Variants in LSAMP observed in about 807,000 individuals in gnomAD.
LSAMP encodes limbic system associated membrane protein.
Under a neutral mutation model 38.6 loss-of-function variants are expected in LSAMP, and 7 were observed. That is an observed-to-expected ratio of 0.18 (90% confidence interval 0.10 to 0.34). LSAMP has a LOEUF of 0.34. Among genes scored for constraint, LSAMP ranks in the 10% least tolerant of loss-of-function variants. LSAMP has a pLI of 1.00. For missense variants in LSAMP, 313 were observed against 420.0 expected (o/e 0.75, Z 2.23); for synonymous variants, 154 against 166.8 (o/e 0.92, Z 0.59).
At chr3:116,411,975 C>G (rs995457214) in intron 1 of LSAMP, among the ~76,000 whole-genome samples, 1 of 151,970 alleles carries the variant, frequency 6.6e-6, no homozygotes, top group Admixed American at 6.6e-5. Flanking sequence ...TGCCATGGAA[C>G]AACCACTCAC....
At chr3:115,978,679 A>G (rs1939262065) in intron 3 of LSAMP, among the ~76,000 whole-genome samples, 1 of 152,036 alleles carries the variant, frequency 6.6e-6, no homozygotes, top group Admixed American at 6.6e-5. Context: ...TGAGAGACTA[A>G]GAAAAGAATC....
intron 3 of LSAMP, among the ~76,000 whole-genome samples, chr3:115,882,377 G>T (rs1344818465): frequency 6.6e-6 from 1 of 152,054 alleles, no homozygotes; most frequent in Non-Finnish European, 1.5e-5. Flanking sequence ...TTTCCAATAA[G>T]ATTGTCCCTT....
chr3:116,141,905 C>T (rs1709378833), intron 1 of LSAMP, among the ~76,000 whole-genome samples: 1 of 151,912 alleles, frequency 6.6e-6, no homozygotes, highest in Admixed American at 6.6e-5. Flanking sequence ...TTGTTGAAAG[C>T]AATGCCAAGC....
chr3:115,981,987 A>G (rs1939373406), intron 3 of LSAMP, among the ~76,000 whole-genome samples: 1 of 152,234 alleles, frequency 6.6e-6, no homozygotes, highest in Admixed American at 6.5e-5. Flanking sequence ...TTGGAGGTCC[A>G]AAGTGCACCC....
At chr3:116,284,840 T>C (rs1027848526) in intron 1 of LSAMP, among the ~76,000 whole-genome samples, 2 of 152,088 alleles carry the variant, frequency 1.3e-5, no homozygotes, top group Non-Finnish European at 2.9e-5. Context: ...AATGATCAAG[T>C]CCACAAGTTC....
Position 116,358,262 on chromosome 3 carries a change from T to G in LSAMP, c.155+86615A>C, listed in dbSNP as rs895353974. Among the ~76,000 whole-genome samples, 3 of 152,184 alleles carry G rather than the reference T, an allele frequency of 2.0e-5. No homozygotes were observed. In the South Asian group the frequency reaches 6.2e-4, roughly 31 times the overall value. ...TAGCAGGCCAAAAACACCAGAGCCC[T>G]CTTAGAAAGGCAACACAAGAATTTA... is the stretch of plus-strand genomic sequence containing the variant. On this transcript the variant is annotated intron_variant, in intron 1 of 6. Coordinates refer to ENST00000490035, the MANE Select transcript of LSAMP (RefSeq NM_002338.5).
chr3:115,843,905 TTTG>T (rs1935077018), intron 4 of LSAMP, among the ~76,000 whole-genome samples: 1 of 152,162 alleles, frequency 6.6e-6, no homozygotes, highest in Non-Finnish European at 1.5e-5. Flanking sequence ...TAAATGGAGT[TTTG>T]TTGTTGTACT....
chr3:116,003,564 C>T (rs989052802), intron 3 of LSAMP, among the ~76,000 whole-genome samples: 5 of 152,110 alleles, frequency 3.3e-5, no homozygotes, highest in African/African-American at 1.2e-4. Context: ...ACCCCCAGTA[C>T]CAGTGAATGT....
chr3:116,145,309 A>G (rs1709466189), intron 1 of LSAMP, among the ~76,000 whole-genome samples: 1 of 151,904 alleles, frequency 6.6e-6, no homozygotes, highest in Non-Finnish European at 1.5e-5. Context: ...ACCAGAACTA[A>G]TAGCTTATAT....
chr3:116,174,452 C>A (rs1415045447), intron 1 of LSAMP, among the ~76,000 whole-genome samples: 2 of 152,076 alleles, frequency 1.3e-5, no homozygotes, highest in African/African-American at 4.8e-5. Context: ...AAATAGCAAT[C>A]ATAATAGCTA....
At chr3:116,310,738 CTT>C (rs2047546803) in intron 1 of LSAMP, among the ~76,000 whole-genome samples, 1 of 152,042 alleles carries the variant, frequency 6.6e-6, no homozygotes, top group Non-Finnish European at 1.5e-5. Flanking sequence ...AATGTCATAA[CTT>C]TACACAAAAT....
chr3:116,233,870 A>T (rs1156840549), intron 1 of LSAMP, among the ~76,000 whole-genome samples: 3 of 152,176 alleles, frequency 2.0e-5, no homozygotes, highest in Non-Finnish European at 4.4e-5. Flanking sequence ...TTTAACAGTC[A>T]CATGGTTTAT....
At chr3:116,141,955 A>G (rs1466223524) in intron 1 of LSAMP, among the ~76,000 whole-genome samples, 2 of 152,028 alleles carry the variant, frequency 1.3e-5, no homozygotes, top group African/African-American at 4.8e-5. Context: ...CATTAGCAGC[A>G]GCTGATGAGT....
intron 1 of LSAMP, among the ~76,000 whole-genome samples, chr3:116,403,327 A>G (rs1407317623): frequency 6.6e-6 from 1 of 152,214 alleles, no homozygotes. Flanking sequence ...AAGCTCAATA[A>G]TAAACAAGGT....
intron 1 of LSAMP, among the ~76,000 whole-genome samples, chr3:116,398,451 G>C (rs986071671): frequency 6.6e-6 from 1 of 152,070 alleles, no homozygotes; most frequent in African/African-American, 2.4e-5. Context: ...ATGAATCAAC[G>C]GATAATTTGA....
intron 2 of LSAMP, among the ~76,000 whole-genome samples, chr3:116,078,418 G>A (rs932011996): frequency 2.0e-5 from 3 of 151,742 alleles, no homozygotes; most frequent in African/African-American, 7.3e-5. Context: ...TCCGCCTCCC[G>A]GGTTCACTCC....
chr3:116,302,009 T>C (rs1319030466), intron 1 of LSAMP, among the ~76,000 whole-genome samples: 2 of 152,184 alleles, frequency 1.3e-5, no homozygotes, highest in East Asian at 3.9e-4. Context: ...AGGTCCTTTT[T>C]TGTAACAGAC....
chr3:115,900,537 C>T (rs1346992880), intron 3 of LSAMP, among the ~76,000 whole-genome samples: 4 of 146,546 alleles, frequency 2.7e-5, no homozygotes, highest in Non-Finnish European at 6.0e-5. Context: ...AAAAAAAATG[C>T]TAATTGATAC....
chr3:115,952,079 T>G lies in LSAMP; in HGVS notation c.514+67436A>C, dbSNP rs140834198. On this transcript the variant is annotated intron_variant, in intron 3 of 6. Transcript: ENST00000490035. Reference sequence around the variant, plus strand: ...AATCAAAAAATAACAGATGTTGGAATGAATGTGGTGAAAAGGGAACACTTT... The same window carrying G: ...AATCAAAAAATAACAGATGTTGGAAGGAATGTGGTGAAAAGGGAACACTTT... Among the ~76,000 whole-genome samples, 642 of 152,270 alleles carry G rather than the reference T, an allele frequency of 4.2e-3. 9 individuals are homozygous for G. The highest frequency in any genetic ancestry group is 0.015 in the African/African-American group (627 of 41,560).
Sources: gnomAD v4.1 joint callset for allele counts (sites outside exome capture counted in the v4.1 genomes callset) on GRCh38, gnomAD v4.1.1 for gene constraint, MANE v1.5 for transcripts, NCBI Gene and HGNC (gene_info 2026-07-23, HGNC 2026-07-21) for gene names.